Variants in STARD9 observed in about 807,000 individuals in gnomAD.
STARD9 encodes the protein stAR-related lipid transfer protein 9.
Under a neutral mutation model 399.8 loss-of-function variants are expected in STARD9, and 346 were observed. That is an observed-to-expected ratio of 0.87 (90% CI 0.79 to 0.95). STARD9 has a LOEUF of 0.95. Among genes scored for constraint, STARD9 ranks in the 40% least tolerant of loss-of-function variants. The pLI is 0.00. For synonymous variants in STARD9, 2,203 were observed against 2,143.5 expected, an observed-to-expected ratio of 1.03 and a Z score of -0.77; for missense variants, 5,832 against 5,667.5, an observed-to-expected ratio of 1.03 and a Z score of -0.93.
chr15:42,578,619 A>G (rs1485983046), intron 1 of STARD9, among the ~76,000 whole-genome samples: 2 of 148,148 alleles, frequency 1.3e-5, no homozygotes, highest in African/African-American at 2.6e-5. Context: ...CCCACTGTAT[A>G]GCTTTGTTTT....
In STARD9 at chr15:42,597,478, G is replaced by A. The variant is rs908556673; in HGVS notation, c.234+11841G>A. ...TGCCTCCTGTGTTCAAGCGATTCTC[G>A]TGCCCCAGCCTCCCAGGTAGCTGGG... On this transcript the variant is annotated intron_variant, in intron 3 of 32. Transcript: ENST00000290607. 8.6e-5 allele frequency among the ~76,000 whole-genome samples: 13 copies of A among 151,692 alleles called. No individual in the cohort carries two copies. In the East Asian group the frequency reaches 2.3e-3, roughly 27 times the overall value.
chr15:42,651,011 G>A lies in STARD9; in HGVS notation c.560-5G>A, dbSNP rs998843052. Reference sequence around the variant, plus strand: ...TTTCTTTTTTCCGTTTCACAAATCCGATAGGTTTATCTCAACATGTAGTTA... The same window carrying A: ...TTTCTTTTTTCCGTTTCACAAATCCAATAGGTTTATCTCAACATGTAGTTA... On this transcript the variant is annotated splice_polypyrimidine_tract_variant and splice_region_variant and intron_variant, in intron 7 of 32. Coordinates refer to ENST00000290607, the MANE Select transcript of STARD9 (RefSeq NM_020759.3). 2.5e-5 allele frequency: 38 copies of A among 1,511,422 alleles called. No individual in the cohort carries two copies. The Admixed American group carries it at 5.7e-4, about 23-fold the overall frequency. The allele number at this position is 1,511,422 out of a possible 1,614,324, so 93.6% of individuals were successfully genotyped here.
At chr15:42,622,394 G>T (rs1252740496) in intron 3 of STARD9, among the ~76,000 whole-genome samples, 2 of 151,844 alleles carry the variant, frequency 1.3e-5, no homozygotes, top group Non-Finnish European at 2.9e-5. Context: ...TAGAGACAGG[G>T]TCTCACTTTG....
At position 42,694,296 on chromosome 15, in the gene STARD9, G is replaced by A; in HGVS notation, c.12718G>A (p.Ala4240Thr). 6.6e-7 allele frequency: 1 copy of A among 1,517,466 alleles called. No individual in the cohort carries two copies. Among genetic ancestry groups the A allele is most frequent in the Non-Finnish European group, 8.8e-7 (1 of 1,136,440 alleles). The allele number at this position is 1,517,466 out of a possible 1,614,324, so 94.0% of individuals were successfully genotyped here. A position where few individuals can be genotyped will look rare whatever the true frequency, so the allele number is the denominator to read the frequency against. The change falls in exon 23 of 33, where the codon GCT (alanine) becomes ACT (threonine). Residue 4240 changes from alanine to threonine, a missense_variant. Ala to Thr is a moderately conservative substitution (Grantham distance 58). Coordinates refer to ENST00000290607, the MANE Select transcript of STARD9 (RefSeq NM_020759.3). ...GCAGAGTGGGACAGGGGAGGCGCTTGCTGCTGATGAACCTGTGACATCCAC... is the reference window on the plus strand; with the variant it reads ...GCAGAGTGGGACAGGGGAGGCGCTTACTGCTGATGAACCTGTGACATCCAC... ...VLQSGTGEAL[A>T]ADEPVTSTWK...
chr15:42,668,910 A>C (rs1184780041), intron 15 of STARD9, among the ~76,000 whole-genome samples: 1 of 152,196 alleles, frequency 6.6e-6, no homozygotes, highest in Non-Finnish European at 1.5e-5. Context: ...CATTGCAGAA[A>C]ACTTTAAAAA....
chr15:42,637,320 C>G (rs550266324), intron 4 of STARD9, among the ~76,000 whole-genome samples: 5 of 152,138 alleles, frequency 3.3e-5, no homozygotes, highest in Non-Finnish European at 5.9e-5. Context: ...TCAAGTGATC[C>G]TCCCACCTTA....
At chr15:42,710,248 A>C (rs1312077430) in intron 26 of STARD9, among the ~76,000 whole-genome samples, 1 of 151,014 alleles carries the variant, frequency 6.6e-6, no homozygotes, top group Non-Finnish European at 1.5e-5. Context: ...TGTTTTCTAG[A>C]GATGGGGTTT....
At chr15:42,608,934 G>A (rs1265886277) in intron 3 of STARD9, among the ~76,000 whole-genome samples, 1 of 152,232 alleles carries the variant, frequency 6.6e-6, no homozygotes, top group Middle Eastern at 3.2e-3. Context: ...TATTCAGTCA[G>A]TGTTAACCGA....
Position 42,684,987 on chromosome 15 carries a change from G to C in STARD9, c.3409G>C (p.Glu1137Gln). The change falls in exon 23 of 33, where the codon GAG (glutamate) becomes CAG (glutamine). Residue 1137 changes from glutamate to glutamine, a missense_variant. Coordinates refer to ENST00000290607, the MANE Select transcript of STARD9 (RefSeq NM_020759.3). ...EERKWDFPEP[E>Q]NSESDDSQLS... is the part of the protein sequence containing the mutation. ...GAGGAAATGGGATTTCCCAGAGCCAGAGAACTCTGAAAGTGATGACAGCCA... is the reference window on the plus strand; with the variant it reads ...GAGGAAATGGGATTTCCCAGAGCCACAGAACTCTGAAAGTGATGACAGCCA... 9.1e-6 allele frequency: 14 copies of C among 1,537,096 alleles called. No homozygotes were observed. Among genetic ancestry groups the C allele is most frequent in the Non-Finnish European group, 1.2e-5 (14 of 1,146,918 alleles).
intron 16 of STARD9, chr15:42,670,617 A>G (rs1294542683): frequency 6.6e-6 from 1 of 152,208 alleles, no homozygotes; most frequent in African/African-American, 2.4e-5. Flanking sequence ...TCTGGGGAGT[A>G]TGTAATGCTG....
intron 3 of STARD9, among the ~76,000 whole-genome samples, chr15:42,593,684 G>A (rs1470227643): frequency 1.6e-5 from 1 of 64,072 alleles, no homozygotes; most frequent in Non-Finnish European, 3.0e-5. Flanking sequence ...TTTTTTTTGA[G>A]ACAGAGTCTC....
chr15:42,607,685 C>CACACACACACAA (rs1337784119), intron 3 of STARD9, among the ~76,000 whole-genome samples: 2 of 149,604 alleles, frequency 1.3e-5, no homozygotes, highest in African/African-American at 5.0e-5. Flanking sequence ...CACACACACA[C>CACACACACACAA]AAATATATAT....
At chr15:42,643,371 T>G (rs1412812793) in intron 7 of STARD9, among the ~76,000 whole-genome samples, 1 of 152,050 alleles carries the variant, frequency 6.6e-6, no homozygotes, top group African/African-American at 2.4e-5. Flanking sequence ...TAATTTTGGA[T>G]TTTTAGTAGA....
intron 3 of STARD9, among the ~76,000 whole-genome samples, chr15:42,596,925 A>T (rs1366977304): frequency 6.6e-6 from 1 of 152,176 alleles, no homozygotes; most frequent in Non-Finnish European, 1.5e-5. Flanking sequence ...TTATTCTCTA[A>T]ACGTAACCAT....
Position 42,674,818 on chromosome 15 carries a change from C to T in STARD9, c.1550-9C>T. On this transcript the variant is annotated splice_polypyrimidine_tract_variant and intron_variant, in intron 17 of 32. Transcript: ENST00000290607. The stretch of plus-strand genomic sequence containing the variant: ...CCTCCCACCCAAGTGACCACCACCT[C>T]TTTTGTAGTCCTGCAGGGTCAGTGG... 1 of 1,518,496 alleles carries T rather than the reference C, an allele frequency of 6.6e-7. No individual in the cohort carries two copies. The highest frequency in any genetic ancestry group is 8.8e-7 in the Non-Finnish European group (1 of 1,138,486). 94.1% of individuals were successfully genotyped at this position (1,518,496 alleles called of 1,614,324 possible). A position where few individuals can be genotyped will look rare whatever the true frequency, so the allele number is the denominator to read the frequency against.
At chr15:42,639,125 T>C (rs1397791321) in intron 7 of STARD9, among the ~76,000 whole-genome samples, 1 of 152,196 alleles carries the variant, frequency 6.6e-6, no homozygotes, top group African/African-American at 2.4e-5. Flanking sequence ...AGGAAGAGCT[T>C]CTCTGAGGAG....
At chr15:42,626,543 C>A (rs2059227781) in intron 3 of STARD9, among the ~76,000 whole-genome samples, 1 of 151,486 alleles carries the variant, frequency 6.6e-6, no homozygotes, top group African/African-American at 2.4e-5. Context: ...TCTTGTTGCC[C>A]AGGCTGGAGC....
At chr15:42,594,260 C>G (rs1002431515) in intron 3 of STARD9, among the ~76,000 whole-genome samples, 4 of 152,112 alleles carry the variant, frequency 2.6e-5, no homozygotes, top group Non-Finnish European at 5.9e-5. Flanking sequence ...AGAGGAGCCA[C>G]TATTAGTGTA....
At chr15:42,615,160 C>G (rs1043037266) in intron 3 of STARD9, among the ~76,000 whole-genome samples, 1 of 151,784 alleles carries the variant, frequency 6.6e-6, no homozygotes, top group African/African-American at 2.4e-5. Context: ...AGGAGCCCAC[C>G]ATCATGCTGG....
Sources: gnomAD v4.1 joint callset for allele counts (sites outside exome capture counted in the v4.1 genomes callset) on GRCh38, gnomAD v4.1.1 for gene constraint, MANE v1.5 for transcripts, NCBI Gene and HGNC (gene_info 2026-07-23, HGNC 2026-07-21) for gene names.